Variants in CARMIL2 observed in about 807,000 individuals in gnomAD.
CARMIL2 encodes the protein capping protein regulator and myosin 1 linker 2, also known as capping protein, Arp2/3 and myosin-I linker protein 2.
CARMIL2 carries 96 observed loss-of-function variants against 173.3 expected under a neutral mutation model. The ratio of observed to expected loss-of-function variants is 0.55; its 90% CI spans 0.47 to 0.66. The LOEUF (loss-of-function observed/expected upper bound fraction) is 0.66, where lower values mean the gene tolerates loss of function less well. CARMIL2 is among the 30% of genes least tolerant of loss of function. The pLI is 0.00. For missense variants in CARMIL2, 1,771 were observed against 1,906.7 expected, an observed-to-expected ratio of 0.93 and a Z score of 1.33; for synonymous variants, 830 against 817.1, an observed-to-expected ratio of 1.02 and a Z score of -0.27.
In CARMIL2 at chr16:67,648,199, G is replaced by A. The variant is rs899970533; in HGVS notation, c.1219G>A (p.Gly407Ser). The A allele has an allele frequency of 6.2e-7, 1 of 1,605,656 alleles. No homozygotes were observed. The highest frequency in any genetic ancestry group is 1.3e-5 in the African/African-American group (1 of 74,894). Reference sequence around the variant, plus strand: ...CTGGAGGGCGGGACGGGGAGGGCTCGGTCCCCCCGCGGGTGTAGCCAACAG... The same window carrying A: ...CTGGAGGGCGGGACGGGGAGGGCTCAGTCCCCCCGCGGGTGTAGCCAACAG... ...ADWRAGRGGLGPPAGVANSLP... is the reference protein window; with the variant it reads ...ADWRAGRGGLSPPAGVANSLP... Residue 407 changes from glycine (G) to serine (S), a missense_variant, in exon 14 of 38, where the codon GGT (glycine) becomes AGT (serine). Physicochemically the swap from Gly to Ser is moderately conservative, Grantham distance 56. This residue lies in a region of CARMIL2 where 944 missense variants were observed against 975.6 expected (regional missense o/e 0.97). Transcript: ENST00000334583. This position sits in a 1 kb window ranked among gnomAD's most constrained non-coding sequence, Gnocchi z 6.1.
Position 67,651,953 on chromosome 16 carries a change from C to A in CARMIL2, c.2621C>A (p.Ala874Glu). 6.2e-7 allele frequency: 1 copy of A among 1,613,616 alleles called. No individual in the cohort carries two copies. The highest frequency in any genetic ancestry group is 2.2e-5 in the East Asian group (1 of 44,884). Residue 874 changes from alanine (A) to glutamate (E), a missense_variant, in exon 26 of 38, where the codon GCA (alanine) becomes GAA (glutamate). This residue lies in a region of CARMIL2 where 817 missense variants were observed against 903.5 expected (regional missense o/e 0.90). Coordinates refer to ENST00000334583, the MANE Select transcript of CARMIL2 (RefSeq NM_001013838.3). This position sits in a 1 kb window ranked among gnomAD's most constrained non-coding sequence, Gnocchi z 4.2. ...CGGCTATCAATCACGGGGACCTTGG[C>A]AGAGAGCATTGTGGCTCAGGCTTTG... Reference protein sequence around the residue: ...DMRLSITGTLAESIVAQALAG... With the variant: ...DMRLSITGTLEESIVAQALAG...
Position 67,652,071 on chromosome 16 carries a change from C to T in CARMIL2, c.2676+63C>T. 19 of 1,604,274 alleles carry T rather than the reference C, an allele frequency of 1.2e-5. No homozygotes were observed. The South Asian group carries it at 2.1e-4, about 18-fold the overall frequency. ...ACACATGCAGTGACTTGGCCATCTC[C>T]CTTGCAGGGGCTCTGTAATGTCTTC... On this transcript the variant is annotated intron_variant, in intron 26 of 37. Coordinates refer to ENST00000334583, the MANE Select transcript of CARMIL2 (RefSeq NM_001013838.3). The surrounding 1 kb of genome is among the most constrained non-coding windows in gnomAD (Gnocchi z 4.7).
rs1008226751 is a variant in CARMIL2, at chr16:67,653,997, C to A, written c.3121-152C>A. Among the ~76,000 whole-genome samples, 3 of 147,782 alleles carry A rather than the reference C, an allele frequency of 2.0e-5. No individual in the cohort carries two copies. Among genetic ancestry groups the A allele is most frequent in the Non-Finnish European group, 4.4e-5 (3 of 67,558 alleles). ...GAAATCTGGAGTCTCTGTCCAGCAG[C>A]AGGACAGTAGGAGGCTGGTATCAGC... On this transcript the variant is annotated intron_variant, in intron 29 of 37. Coordinates refer to ENST00000334583, the MANE Select transcript of CARMIL2 (RefSeq NM_001013838.3). This position sits in a 1 kb window ranked among gnomAD's most constrained non-coding sequence, Gnocchi z 7.4.
Position 67,649,650 on chromosome 16 carries a change from G to T in CARMIL2, c.1919+31G>T. ...CGGGGTCAGAGGGGTGGGACCAGCGGGCAGGGGGCGCGGTGGAGAGGAGGG... is the reference window on the plus strand; with the variant it reads ...CGGGGTCAGAGGGGTGGGACCAGCGTGCAGGGGGCGCGGTGGAGAGGAGGG... On this transcript the variant is annotated intron_variant, in intron 20 of 37. Coordinates refer to ENST00000334583, the MANE Select transcript of CARMIL2 (RefSeq NM_001013838.3). The surrounding 1 kb of genome is among the most constrained non-coding windows in gnomAD (Gnocchi z 6.7). 6.4e-7 allele frequency: 1 copy of T among 1,568,952 alleles called. No homozygotes were observed. Among genetic ancestry groups the T allele is most frequent in the South Asian group, 1.1e-5 (1 of 87,324 alleles).
chr16:67,647,226 A>G (rs2052609853), intron 9 of CARMIL2, 35 bp downstream of exon 9: 1 of 1,612,476 alleles, frequency 6.2e-7, no homozygotes, highest in Non-Finnish European at 8.5e-7. Flanking sequence ...GGGAGGGGCC[A>G]AGGGTGTGGG....
In CARMIL2 at chr16:67,652,934, T is replaced by A; in HGVS notation, c.2885-85T>A. The A allele has an allele frequency of 1.9e-6, 1 of 526,126 alleles. No individual in the cohort carries two copies. The highest frequency in any genetic ancestry group is 2.7e-6 in the Non-Finnish European group (1 of 374,530). The allele number at this position is 526,126 out of a possible 1,614,324, so 32.6% of individuals were successfully genotyped here. On this transcript the variant is annotated intron_variant, in intron 28 of 37. Coordinates refer to ENST00000334583, the MANE Select transcript of CARMIL2 (RefSeq NM_001013838.3). This position sits in a 1 kb window ranked among gnomAD's most constrained non-coding sequence, Gnocchi z 4.7. ...CGTAGCCGGGCCCCTCCCCGCGCCC[T>A]GGGCGGGTCCCCCGCCGCCCTAGCG...
chr16:67,654,200 G>A lies in CARMIL2; in HGVS notation c.3172G>A (p.Glu1058Lys), dbSNP rs189587636. ...GAATGGGCTCAGTGCCCGCGTGGAC[G>A]AGGGCGTGGAGGAATTCTTCTCCAA... ...EGNGLSARVDEGVEEFFSKRL... is the reference protein window; with the variant it reads ...EGNGLSARVDKGVEEFFSKRL... The change falls in exon 30 of 38, where the codon GAG becomes AAG. Residue 1058 changes from glutamate to lysine, a missense_variant. Glu to Lys is a moderately conservative substitution (Grantham distance 56, BLOSUM62 1). Transcript: ENST00000334583. The A allele has an allele frequency of 1.1e-3, 1,740 of 1,570,714 alleles. 17 individuals are homozygous for A. Among genetic ancestry groups the A allele is most frequent in the Middle Eastern group, 5.1e-4 (3 of 5,890 alleles).
At position 67,654,610 on chromosome 16, in the gene CARMIL2, G is replaced by A. The variant is rs778212007; in HGVS notation, c.3500G>A (p.Arg1167His). The A allele has an allele frequency of 1.4e-5, 22 of 1,603,380 alleles. No homozygotes were observed. In the South Asian group the frequency reaches 2.1e-4, roughly 15 times the overall value. ...GACCCTGCCGGCAGGAGCCGACCTC[G>A]CTACACAAGAGATAGCAAGGCCTAC... ...SPDPAGRSRP[R>H]YTRDSKAYSM... is the part of the protein sequence containing the mutation. The change falls in exon 31 of 38, where the codon CGC becomes CAC. Residue 1167 changes from arginine to histidine, a missense_variant. Physicochemically the swap from Arg to His is conservative, Grantham distance 29 (BLOSUM62 0). Around this residue, in one of 3 missense-constraint regions of CARMIL2, gnomAD observed 817 missense variants for 903.5 expected, o/e 0.90. Coordinates refer to ENST00000334583, the MANE Select transcript of CARMIL2 (RefSeq NM_001013838.3).
Position 67,648,841 on chromosome 16 carries a change from C to A in CARMIL2, c.1510-52C>A. ...GGGCCGTGGGCCGCCTGCCCCTCCC[C>A]ACTCGCGGCCTAAGTGGGTCCCACT... On this transcript the variant is annotated intron_variant, in intron 16 of 37. Coordinates refer to ENST00000334583, the MANE Select transcript of CARMIL2 (RefSeq NM_001013838.3). The surrounding 1 kb of genome is among the most constrained non-coding windows in gnomAD (Gnocchi z 6.1). 1.3e-6 allele frequency: 2 copies of A among 1,572,930 alleles called. No homozygotes were observed. The highest frequency in any genetic ancestry group is 1.7e-6 in the Non-Finnish European group (2 of 1,159,308).
rs2052753668 is a variant in CARMIL2, at chr16:67,652,864, C to T, written c.2885-155C>T. 9.9e-6 allele frequency: 2 copies of T among 201,836 alleles called. No individual in the cohort carries two copies. Among genetic ancestry groups the T allele is most frequent in the Admixed American group, 6.3e-5 (1 of 15,902 alleles). 12.5% of individuals were successfully genotyped at this position (201,836 alleles called of 1,614,324 possible). ...CGCTCAGCACCACGGACAGCGGCGG[C>T]GGCGGGGGAGGGGCGGAGGGGCAGA... On this transcript the variant is annotated intron_variant, in intron 28 of 37. Transcript: ENST00000334583. The surrounding 1 kb of genome is among the most constrained non-coding windows in gnomAD (Gnocchi z 4.7).
Position 67,646,273 on chromosome 16 carries a change from G to A in CARMIL2, c.337G>A (p.Ala113Thr), listed in dbSNP as rs1053983791. 3.1e-6 allele frequency: 5 copies of A among 1,613,608 alleles called. No homozygotes were observed. In the African/African-American group the frequency reaches 5.3e-5, roughly 17 times the overall value. Residue 113 changes from alanine to threonine, a missense_variant, in exon 5 of 38, where the codon GCA becomes ACA. Physicochemically the swap from Ala to Thr is moderately conservative, Grantham distance 58. Coordinates refer to ENST00000334583, the MANE Select transcript of CARMIL2 (RefSeq NM_001013838.3). The surrounding 1 kb of genome is among the most constrained non-coding windows in gnomAD (Gnocchi z 4.6). ...GGAACAGCTGGCCCAGCACGTGGCT[G>A]CAGCCATCAAGAAGGTCTTCCCTCG... ...ALEQLAQHVA[A>T]AIKKVFPRST...
intron 22 of CARMIL2, chr16:67,650,551 C>T (rs964742453): frequency 1.7e-5 from 4 of 228,914 alleles, no homozygotes; most frequent in African/African-American, 9.1e-5. Flanking sequence ...TTCTACCTCT[C>T]CATTCCCAAA....
In CARMIL2 at chr16:67,648,248, C is replaced by T. The variant is rs768590195; in HGVS notation, c.1268C>T (p.Ala423Val). ...ANSLPPQLFA[A>V]VSRGCCTSLT... ...AGCCTCCCCCCGCAGCTCTTCGCAG[C>T]GGTATCCCGAGGCTGCTGCACCAGC... The change falls in exon 14 of 38, where the codon GCG becomes GTG. Residue 423 changes from alanine (A) to valine (V), a missense_variant. Transcript: ENST00000334583. This position sits in a 1 kb window ranked among gnomAD's most constrained non-coding sequence, Gnocchi z 6.1. 1.2e-6 allele frequency: 2 copies of T among 1,601,768 alleles called. No homozygotes were observed. The highest frequency in any genetic ancestry group is 2.2e-5 in the South Asian group (2 of 89,754).
Position 67,647,511 on chromosome 16 carries a change from CTT to C in CARMIL2, c.782_783del (p.Phe261CysfsTer28), listed in dbSNP as rs763265976. The C allele has an allele frequency of 6.2e-7, 1 of 1,603,390 alleles. No individual in the cohort carries two copies. Among genetic ancestry groups the C allele is most frequent in the African/African-American group, 1.3e-5 (1 of 74,870 alleles). On this transcript the variant is annotated frameshift_variant, in exon 11 of 38. Coordinates refer to ENST00000334583, the MANE Select transcript of CARMIL2 (RefSeq NM_001013838.3). LOFTEE classifies it high-confidence loss of function. Reference sequence around the variant, plus strand: ...ATGCCTGGGGTCTGGTCCCCAGAGACTTTGTCCGACGACTGGCCCAGGCGCTG... The same window carrying C: ...ATGCCTGGGGTCTGGTCCCCAGAGACTGTCCGACGACTGGCCCAGGCGCTG... ...VLETCSLRGD[F>X]VRRLAQALAG...
In CARMIL2 at chr16:67,657,512, T is replaced by C; in HGVS notation, c.4302T>C (p.Asn1434=). The change falls in exon 38 of 38, where the codon AAT becomes AAC. Residue 1434 remains asparagine, a synonymous_variant. Transcript: ENST00000334583. The surrounding 1 kb of genome is among the most constrained non-coding windows in gnomAD (Gnocchi z 4.5). ...CAGACCAAAGAGGCGGCGGCCCCAA[T>C]CCCTGATCCTCTCCTCTCCTGCCGC... ...PATDQRGGGP[N]P The C allele has an allele frequency of 6.2e-7, 1 of 1,613,286 alleles. No individual in the cohort carries two copies. The highest frequency in any genetic ancestry group is 8.5e-7 in the Non-Finnish European group (1 of 1,179,642).
Position 67,646,169 on chromosome 16 carries a change from T to C in CARMIL2, c.250-17T>C. 2 of 1,613,732 alleles carry C rather than the reference T, an allele frequency of 1.2e-6. No homozygotes were observed. Among genetic ancestry groups the C allele is most frequent in the Non-Finnish European group, 1.7e-6 (2 of 1,179,820 alleles). On this transcript the variant is annotated splice_polypyrimidine_tract_variant and intron_variant, in intron 4 of 37. Transcript: ENST00000334583. This position sits in a 1 kb window ranked among gnomAD's most constrained non-coding sequence, Gnocchi z 4.6. ...GCCCATGTGTGGAGCCGAGGCCTAG[T>C]AGTGCCCCTTCCCTAGGTCACCTTT...
intron 22 of CARMIL2, chr16:67,650,483 AC>A (rs1296272156): frequency 2.7e-6 from 1 of 369,338 alleles, no homozygotes; most frequent in Non-Finnish European, 5.0e-6. Context: ...GTGTGCCCAA[AC>A]CCAGCTGCTC....
chr16:67,646,836 G>A lies in CARMIL2; in HGVS notation c.537+52G>A, dbSNP rs2052602950. ...TCTGGAGACATCTGGTCCCCCATGTGTGCTGAGCCCCTCCCTGCCCCTTGT... is the reference window on the plus strand; with the variant it reads ...TCTGGAGACATCTGGTCCCCCATGTATGCTGAGCCCCTCCCTGCCCCTTGT... On this transcript the variant is annotated intron_variant, in intron 7 of 37. Coordinates refer to ENST00000334583, the MANE Select transcript of CARMIL2 (RefSeq NM_001013838.3). The surrounding 1 kb of genome is among the most constrained non-coding windows in gnomAD (Gnocchi z 4.6). 1.2e-6 allele frequency: 2 copies of A among 1,612,114 alleles called. No individual in the cohort carries two copies. Among genetic ancestry groups the A allele is most frequent in the East Asian group, 2.2e-5 (1 of 44,878 alleles).
In CARMIL2 at chr16:67,652,488, A is replaced by G. The variant is rs749075552; in HGVS notation, c.2834A>G (p.Gln945Arg). The change falls in exon 28 of 38, where the codon CAG (glutamine) becomes CGG (arginine). Residue 945 changes from glutamine (Q) to arginine (R), a missense_variant. Gln to Arg is a conservative substitution (Grantham distance 43). Transcript: ENST00000334583. The surrounding 1 kb of genome is among the most constrained non-coding windows in gnomAD (Gnocchi z 4.7). ...EEKEKDDSPP[Q>R]KWPELSHGLH... The stretch of plus-strand genomic sequence containing the variant: ...CCCCACCAGGATGACAGTCCTCCAC[A>G]GAAATGGCCTGAGCTCAGCCACGGT... The G allele has an allele frequency of 6.2e-6, 10 of 1,613,594 alleles. No homozygotes were observed. The South Asian group carries it at 1.1e-4, about 18-fold the overall frequency.
Sources: gnomAD v4.1 joint callset for allele counts (sites outside exome capture counted in the v4.1 genomes callset) on GRCh38, gnomAD v4.1.1 for gene constraint, gnomAD v4.1.1 regional missense constraint, Gnocchi (gnomAD v3.1) non-coding constraint, MANE v1.5 for transcripts, NCBI Gene and HGNC (gene_info 2026-07-23, HGNC 2026-07-21) for gene names.